The following NWD2 variants were observed in gnomAD, a reference collection of about 807,000 sequenced individuals.
The protein encoded by NWD2 is NACHT and WD repeat domain containing 2, also known as NACHT and WD repeat domain-containing protein 2.
NWD2 carries 37 observed loss-of-function variants against 132.7 expected under a neutral mutation model. The ratio of observed to expected loss-of-function variants is 0.28; its 90% confidence interval spans 0.21 to 0.37. The LOEUF is 0.37. Among genes scored for constraint, NWD2 ranks in the 10% least tolerant of loss-of-function variants. The probability of loss-of-function intolerance (pLI) is 1.00; values close to 1 mark genes in which losing one functional copy is unlikely to be tolerated. For synonymous variants in NWD2, 705 were observed against 803.0 expected, an observed-to-expected ratio of 0.88 and a Z score of 2.06; for missense variants, 1,592 against 2,122.4, an observed-to-expected ratio of 0.75 and a Z score of 4.91.
chr4:37,337,047 G>A (rs923241538), intron 2 of NWD2, among the ~76,000 whole-genome samples: 1 of 151,976 alleles, frequency 6.6e-6, no homozygotes, highest in Non-Finnish European at 1.5e-5. Context: ...TTAATAGGGG[G>A]TATATAACCT....
At chr4:37,331,499 A>G (rs1399488538) in intron 2 of NWD2, among the ~76,000 whole-genome samples, 3 of 137,802 alleles carry the variant, frequency 2.2e-5, no homozygotes, top group Non-Finnish European at 3.2e-5. Flanking sequence ...CAATACCACC[A>G]GAATCATCAC....
chr4:37,303,657 AT>A (rs1367234057), intron 1 of NWD2, among the ~76,000 whole-genome samples: 1 of 152,102 alleles, frequency 6.6e-6, no homozygotes, highest in East Asian at 1.9e-4. Flanking sequence ...GATCTTGCAC[AT>A]TTTTGGTTAA....
At chr4:37,287,114 G>A (rs544636902) in intron 1 of NWD2, among the ~76,000 whole-genome samples, 1 of 152,324 alleles carries the variant, frequency 6.6e-6, no homozygotes, top group South Asian at 2.1e-4. Context: ...GAGTGAGTAT[G>A]CTACCCAGCC....
At chr4:37,265,823 C>T (rs1717738829) in intron 1 of NWD2, among the ~76,000 whole-genome samples, 1 of 152,080 alleles carries the variant, frequency 6.6e-6, no homozygotes, top group Admixed American at 6.6e-5. Context: ...AGCTTAATCA[C>T]ATCTGCAGAG....
chr4:37,260,083 A>G lies in NWD2; in HGVS notation c.151+14865A>G, dbSNP rs535875772. Among the ~76,000 whole-genome samples, 11 of 152,316 alleles carry G rather than the reference A, an allele frequency of 7.2e-5. No homozygotes were observed. In the South Asian group the frequency reaches 2.1e-3, roughly 29 times the overall value. ...TTGTGTTCCATTTAAATCATGTACCATCAGGCTTGTGTCACAGCCATTTAG... is the reference window on the plus strand; with the variant it reads ...TTGTGTTCCATTTAAATCATGTACCGTCAGGCTTGTGTCACAGCCATTTAG... On this transcript the variant is annotated intron_variant, in intron 1 of 6. Transcript: ENST00000309447.
At chr4:37,407,702 A>G (rs766730718) in intron 3 of NWD2, among the ~76,000 whole-genome samples, 7 of 152,244 alleles carry the variant, frequency 4.6e-5, no homozygotes, top group Non-Finnish European at 8.8e-5. Context: ...AAATGTAGAC[A>G]AAGTGTGGAG....
At position 37,421,011 on chromosome 4, in the gene NWD2, G is replaced by A. The variant is rs1040148924; in HGVS notation, c.358-9561G>A. On this transcript the variant is annotated intron_variant, in intron 3 of 6. Coordinates refer to ENST00000309447, the MANE Select transcript of NWD2 (RefSeq NM_001144990.2). The stretch of plus-strand genomic sequence containing the variant: ...TAACACAGACATTTCACTTTTTTTC[G>A]GCTCACTGCAAGTTCTGCCTCCTGA... Among the ~76,000 whole-genome samples, 39 of 151,554 alleles carry A rather than the reference G, an allele frequency of 2.6e-4. 1 individual carries two copies. The highest frequency in any genetic ancestry group is 9.9e-4 in the Admixed American group (15 of 15,214).
At chr4:37,433,667 C>A (rs1712236771) in intron 4 of NWD2, among the ~76,000 whole-genome samples, 2 of 152,194 alleles carry the variant, frequency 1.3e-5, no homozygotes, top group African/African-American at 4.8e-5. Context: ...TTGGATCACA[C>A]CCTTGTGTAA....
chr4:37,263,679 AATT>A (rs200812593), intron 1 of NWD2, among the ~76,000 whole-genome samples: 5,983 of 150,904 alleles, frequency 0.04, 156 homozygotes, highest in East Asian at 0.1. Context: ...GTAGAAGTAG[AATT>A]ATTTAGTAAA....
chr4:37,440,163 T>C (rs933868016), intron 6 of NWD2, among the ~76,000 whole-genome samples: 5 of 152,086 alleles, frequency 3.3e-5, no homozygotes, highest in Non-Finnish European at 5.9e-5. Context: ...CACAGGGGAA[T>C]GCATCTTTTT....
At chr4:37,424,079 C>T (rs1560252259) in intron 3 of NWD2, among the ~76,000 whole-genome samples, 1 of 152,044 alleles carries the variant, frequency 6.6e-6, no homozygotes, top group Non-Finnish European at 1.5e-5. Context: ...ACATCACAAC[C>T]ACCATTGTCC....
rs945633264 is a variant in NWD2, at chr4:37,439,939, C to A, written c.1296+549C>A. ...ATGACATTTATGATTCCTATAAAGTCACAGTTTAGGGGATATGGGAAAGGT... is the reference window on the plus strand; with the variant it reads ...ATGACATTTATGATTCCTATAAAGTAACAGTTTAGGGGATATGGGAAAGGT... On this transcript the variant is annotated intron_variant, in intron 6 of 6. Coordinates refer to ENST00000309447, the MANE Select transcript of NWD2 (RefSeq NM_001144990.2). This position sits in a 1 kb window ranked among gnomAD's most constrained non-coding sequence, Gnocchi z 4.5. 2.1e-4 allele frequency among the ~76,000 whole-genome samples: 32 copies of A among 152,280 alleles called. No homozygotes were observed. Among genetic ancestry groups the A allele is most frequent in the African/African-American group, 7.5e-4 (31 of 41,552 alleles).
intron 3 of NWD2, among the ~76,000 whole-genome samples, chr4:37,365,851 T>C (rs1720090054): frequency 6.6e-6 from 1 of 152,202 alleles, no homozygotes; most frequent in Admixed American, 6.5e-5. Context: ...AAAAGAATTA[T>C]GGAGAAAAAG....
rs1712613349 is a variant in NWD2, at chr4:37,445,642, T to G, written c.3654T>G (p.Gly1218=). ...KALSIELLDT[G]LWKVAEKFRA... The stretch of plus-strand genomic sequence containing the variant: ...TCAGCATTGAGCTCTTAGATACTGG[T>G]CTGTGGAAGGTGGCTGAAAAGTTCA... Residue 1218 remains glycine (G), a synonymous_variant, in exon 7 of 7, where the codon GGT becomes GGG. Transcript: ENST00000309447. The surrounding 1 kb of genome is among the most constrained non-coding windows in gnomAD (Gnocchi z 4.7). 1 of 1,552,114 alleles carries G rather than the reference T, an allele frequency of 6.4e-7. No homozygotes were observed. The highest frequency in any genetic ancestry group is 8.7e-7 in the Non-Finnish European group (1 of 1,147,126).
chr4:37,338,395 A>G (rs1719452912), intron 2 of NWD2, among the ~76,000 whole-genome samples: 1 of 152,336 alleles, frequency 6.6e-6, no homozygotes, highest in South Asian at 2.1e-4. Context: ...CAATGAGGAA[A>G]CCAAGTCTTT....
chr4:37,415,702 T>TAAAAAA (rs10684720), intron 3 of NWD2, among the ~76,000 whole-genome samples: 61 of 118,366 alleles, frequency 5.2e-4, no homozygotes, highest in African/African-American at 1.9e-3. Flanking sequence ...AGACTCCGTC[T>TAAAAAA]AAAAAAAAAA....
intron 2 of NWD2, among the ~76,000 whole-genome samples, chr4:37,342,738 A>G (rs571668725): frequency 7.2e-5 from 11 of 152,282 alleles, no homozygotes; most frequent in African/African-American, 2.4e-4. Flanking sequence ...ATCATGTTAT[A>G]TTAGGAATGT....
intron 1 of NWD2, among the ~76,000 whole-genome samples, chr4:37,288,060 A>G (rs1269834136): frequency 6.6e-6 from 1 of 152,204 alleles, no homozygotes; most frequent in East Asian, 1.9e-4. Context: ...TAGCACAGGA[A>G]CAGAAAATGA....
At position 37,447,546 on chromosome 4, in the gene NWD2, A is replaced by C; in HGVS notation, c.*329A>C. The C allele has an allele frequency of 7.8e-6, 2 of 256,956 alleles. No individual in the cohort carries two copies. The highest frequency in any genetic ancestry group is 4.9e-5 in the Admixed American group (1 of 20,588). The allele number at this position is 256,956 out of a possible 1,614,324, so 15.9% of individuals were successfully genotyped here. ...AAGATGAGAGAGGCTAGAGTTATATACAGATCATTTGGATGGGAATTAGTT... is the reference window on the plus strand; with the variant it reads ...AAGATGAGAGAGGCTAGAGTTATATCCAGATCATTTGGATGGGAATTAGTT... On this transcript the variant is annotated 3_prime_UTR_variant, in exon 7 of 7. Coordinates refer to ENST00000309447, the MANE Select transcript of NWD2 (RefSeq NM_001144990.2).
Sources: allele counts gnomAD v4.1 joint callset (sites outside exome capture counted in the v4.1 genomes callset), GRCh38; gene constraint gnomAD v4.1.1; non-coding constraint Gnocchi (gnomAD v3.1); transcripts MANE v1.5; gene names NCBI Gene and HGNC (gene_info 2026-07-23, HGNC 2026-07-21).